TANC1: variants seen among roughly 807,000 people sequenced by gnomAD.
TANC1 encodes the protein protein TANC1.
Under a neutral mutation model 149.7 loss-of-function variants are expected in TANC1, and 77 were observed. The observed-to-expected ratio is 0.51, with a 90% CI of 0.43 to 0.62. The LOEUF (loss-of-function observed/expected upper bound fraction) is 0.62, where lower values mean the gene tolerates loss of function less well. Ranked by LOEUF, TANC1 falls within the 20% of genes least tolerant of loss-of-function variation. The pLI, the probability that TANC1 is intolerant of heterozygous loss-of-function variation, is 0.00. For synonymous variants in TANC1, 854 were observed against 925.0 expected (o/e 0.92, Z 1.39); for missense variants, 1,985 against 2,321.8 (o/e 0.85, Z 2.98).
intron 1 of TANC1, among the ~76,000 whole-genome samples, chr2:158,988,324 C>A (rs842061): frequency 8.0e-6 from 1 of 125,636 alleles, no homozygotes; most frequent in Non-Finnish European, 1.7e-5. Context: ...AGACCCTGTC[C>A]CAAAAAAAAA....
intron 4 of TANC1, among the ~76,000 whole-genome samples, chr2:159,098,184 A>G (rs10173859): frequency 0.42 from 63,408 of 151,986 alleles, 13,799 homozygotes; most frequent in East Asian, 0.77. Flanking sequence ...AACTGCATGT[A>G]TGATGGTGGT....
chr2:158,997,642 C>T lies in TANC1; in HGVS notation c.-125-3438C>T, dbSNP rs73969407. On this transcript the variant is annotated intron_variant, in intron 1 of 26. Transcript: ENST00000263635. ...GATGTGGGCATGTCTGAAGGCCATA[C>T]CAGCCAACCTCAAAGAGCTCCTAAT... 6.5e-3 allele frequency among the ~76,000 whole-genome samples: 984 copies of T among 152,242 alleles called. 6 individuals carry two copies. Among genetic ancestry groups the T allele is most frequent in the African/African-American group, 0.022 (927 of 41,544 alleles).
At chr2:159,075,415 A>G (rs1027943443) in intron 3 of TANC1, among the ~76,000 whole-genome samples, 1 of 108,716 alleles carries the variant, frequency 9.2e-6, no homozygotes, top group Non-Finnish European at 2.4e-5. Context: ...AAAAAAAAAA[A>G]CAAAAAAAAA....
chr2:159,136,368 A>G (rs2050749365), intron 5 of TANC1, 70 bp downstream of exon 5: 7 of 917,538 alleles, frequency 7.6e-6, no homozygotes, highest in South Asian at 5.3e-5. Flanking sequence ...TTTCTGAATG[A>G]AACTTGAGTG....
rs759241070 is a variant in TANC1, at chr2:159,097,701, G to A, written c.126G>A (p.Val42=). Residue 42 remains valine, a synonymous_variant, in exon 4 of 27, where the codon GTG becomes GTA. Coordinates refer to ENST00000263635, the MANE Select transcript of TANC1 (RefSeq NM_033394.3). ...TTGACCACAGTGCTGACTCTCCTGTGAGCAGTCTTCCCACAGCAGAGGACA... is the reference window on the plus strand; with the variant it reads ...TTGACCACAGTGCTGACTCTCCTGTAAGCAGTCTTCCCACAGCAGAGGACA... ...LHLDHSADSP[V]SSLPTAEDTY... 2 of 1,614,140 alleles carry A rather than the reference G, an allele frequency of 1.2e-6. No homozygotes were observed. The highest frequency in any genetic ancestry group is 2.2e-5 in the South Asian group (2 of 91,074).
chr2:159,092,760 T>G (rs2045679083), intron 3 of TANC1, among the ~76,000 whole-genome samples: 1 of 152,256 alleles, frequency 6.6e-6, no homozygotes. Flanking sequence ...AGGCTATATG[T>G]AACCTGCAAA....
chr2:159,219,621 T>C (rs2059562858), intron 21 of TANC1, 71 bp from the exon 22 acceptor site: 1 of 1,578,368 alleles, frequency 6.3e-7, no homozygotes, highest in South Asian at 1.1e-5. Context: ...GTTCCGCAGG[T>C]GTGAAACAAT....
chr2:159,106,216 A>C (rs999042635), intron 4 of TANC1, among the ~76,000 whole-genome samples: 4 of 152,292 alleles, frequency 2.6e-5, no homozygotes, highest in African/African-American at 9.6e-5. Flanking sequence ...AACCATCCCC[A>C]CAGTCTTAAT....
At chr2:159,218,961 A>C (rs1202459666) in intron 20 of TANC1, among the ~76,000 whole-genome samples, 1 of 152,182 alleles carries the variant, frequency 6.6e-6, no homozygotes, top group African/African-American at 2.4e-5. Context: ...AGTGATTGGC[A>C]TCCCTCCTCC....
At chr2:159,168,723 A>G (rs181536855) in intron 8 of TANC1, among the ~76,000 whole-genome samples, 47 of 152,338 alleles carry the variant, frequency 3.1e-4, no homozygotes, top group Admixed American at 2.5e-3. Flanking sequence ...GAATGTGTAT[A>G]TAAGTCTACA....
At chr2:159,143,783 A>T (rs1334450720) in intron 5 of TANC1, among the ~76,000 whole-genome samples, 2 of 152,130 alleles carry the variant, frequency 1.3e-5, no homozygotes, top group African/African-American at 4.8e-5. Flanking sequence ...TTAATTGCAC[A>T]TTAAAGTTTG....
At chr2:159,176,292 T>C (rs1361767386) in intron 12 of TANC1, 60 bp from the exon 13 acceptor site, 1 of 973,512 alleles carries the variant, frequency 1.0e-6, no homozygotes, top group East Asian at 2.7e-5. Flanking sequence ...ATACACTGGG[T>C]GTTGCTGTCT....
intron 7 of TANC1, chr2:159,150,777 TAAAA>T (rs11290702): frequency 5.4e-3 from 1,931 of 360,552 alleles, no homozygotes; most frequent in Middle Eastern, 9.2e-3. Flanking sequence ...GCTCATTTGT[TAAAA>T]AAAAAAAAAA....
Position 159,192,882 on chromosome 2 carries a change from G to A in TANC1, c.2743-1375G>A, listed in dbSNP as rs982081690. Reference sequence around the variant, plus strand: ...TCAGGCTGGTCTCGAACTCCTAACTGCAGGTGATCCGCCCGCCTCAGCCTC... The same window carrying A: ...TCAGGCTGGTCTCGAACTCCTAACTACAGGTGATCCGCCCGCCTCAGCCTC... On this transcript the variant is annotated intron_variant, in intron 16 of 26. Coordinates refer to ENST00000263635, the MANE Select transcript of TANC1 (RefSeq NM_033394.3). Among the ~76,000 whole-genome samples the A allele has an allele frequency of 1.3e-5, 2 of 152,238 alleles. 1 individual carries two copies. The highest frequency in any genetic ancestry group is 4.1e-4 in the South Asian group (2 of 4,826).
intron 2 of TANC1, among the ~76,000 whole-genome samples, chr2:159,025,339 A>T (rs565483969): frequency 6.6e-6 from 1 of 151,660 alleles, no homozygotes; most frequent in Admixed American, 6.6e-5. Context: ...ACAAAGTACC[A>T]CTAAGCAATA....
At chr2:159,167,367 G>A (rs17576465) in intron 8 of TANC1, among the ~76,000 whole-genome samples, 3 of 152,210 alleles carry the variant, frequency 2.0e-5, no homozygotes, top group African/African-American at 7.2e-5. Context: ...CTGTAGGGAG[G>A]TAAGAAGGTT....
chr2:159,166,025 A>C (rs763092518), intron 8 of TANC1, among the ~76,000 whole-genome samples: 3 of 152,250 alleles, frequency 2.0e-5, no homozygotes, highest in South Asian at 2.1e-4. Flanking sequence ...TTATTTCACT[A>C]TACAGATTTT....
intron 10 of TANC1, among the ~76,000 whole-genome samples, chr2:159,171,736 A>T (rs2055235422): frequency 6.6e-6 from 1 of 151,938 alleles, no homozygotes; most frequent in Admixed American, 6.6e-5. Context: ...GGGTGCCTGT[A>T]ATCCCAGCTA....
At chr2:159,021,471 C>T (rs1559140574) in intron 2 of TANC1, among the ~76,000 whole-genome samples, 1 of 152,064 alleles carries the variant, frequency 6.6e-6, no homozygotes, top group Non-Finnish European at 1.5e-5. Context: ...GTGGCATGCA[C>T]CTGTAGTCCT....
Sources: allele counts gnomAD v4.1 joint callset (sites outside exome capture counted in the v4.1 genomes callset), GRCh38; gene constraint gnomAD v4.1.1; transcripts MANE v1.5; gene names NCBI Gene and HGNC (gene_info 2026-07-23, HGNC 2026-07-21).